Variants in TMEM178B observed in about 807,000 individuals in gnomAD.
TMEM178B encodes the protein transmembrane protein 178B.
In TMEM178B, 5 loss-of-function variants were observed where a neutral mutation model predicts 31.0. That is an observed-to-expected ratio of 0.16 (90% CI 0.08 to 0.34). The LOEUF (loss-of-function observed/expected upper bound fraction) is 0.34, where lower values mean the gene tolerates loss of function less well. TMEM178B is among the 10% of genes least tolerant of loss of function. The probability of loss-of-function intolerance (pLI) is 1.00; values close to 1 mark genes in which losing one functional copy is unlikely to be tolerated. For missense variants in TMEM178B, 275 were observed against 400.3 expected (o/e 0.69, Z 2.67); for synonymous variants, 164 against 164.0 (o/e 1.00, Z 0.00).
At chr7:141,189,720 G>A (rs946362075) in intron 1 of TMEM178B, among the ~76,000 whole-genome samples, 1 of 152,218 alleles carries the variant, frequency 6.6e-6, no homozygotes, top group Non-Finnish European at 1.5e-5. Context: ...CATCCTGACT[G>A]TGTCGGCCAT....
At chr7:141,157,435 A>ACACACACG (rs1380390798) in intron 1 of TMEM178B, among the ~76,000 whole-genome samples, 2 of 151,900 alleles carry the variant, frequency 1.3e-5, no homozygotes, top group African/African-American at 4.8e-5. Context: ...GTGCACACAC[A>ACACACACG]CACACACGCA....
intron 3 of TMEM178B, among the ~76,000 whole-genome samples, chr7:141,469,552 C>G (rs1802201836): frequency 6.6e-6 from 1 of 152,070 alleles, no homozygotes; most frequent in East Asian, 1.9e-4. Context: ...AGTGCTTTTC[C>G]TTTTTCTTCC....
intron 1 of TMEM178B, among the ~76,000 whole-genome samples, chr7:141,157,640 A>T (rs930749594): frequency 5.3e-5 from 8 of 152,170 alleles, no homozygotes; most frequent in African/African-American, 1.9e-4. Context: ...ACTCAAAAAA[A>T]CTTTTAGTTG....
chr7:141,257,788 G>A lies in TMEM178B; in HGVS notation c.496+45084G>A, dbSNP rs149387642. The stretch of plus-strand genomic sequence containing the variant: ...ATTTTCTTTTAAATCTAGATGGACA[G>A]TCTCTGCCTTTTGATTGGAATGTTT... On this transcript the variant is annotated intron_variant, in intron 2 of 3. Transcript: ENST00000565468. Among the ~76,000 whole-genome samples, 10 of 151,962 alleles carry A rather than the reference G, an allele frequency of 6.6e-5. No individual in the cohort carries two copies. In the East Asian group the frequency reaches 1.9e-3, roughly 29 times the overall value.
At chr7:141,137,998 A>G (rs1315358596) in intron 1 of TMEM178B, among the ~76,000 whole-genome samples, 3 of 152,068 alleles carry the variant, frequency 2.0e-5, no homozygotes, top group Admixed American at 2.0e-4. Flanking sequence ...TAAAATGCAT[A>G]TTAGTAAAGA....
chr7:141,497,126 G>C, the TMEM178B span, among the ~76,000 whole-genome samples: 1 of 152,110 alleles, frequency 6.6e-6, no homozygotes, highest in Admixed American at 6.6e-5. Context: ...GACAGTAAGA[G>C]CCCTGCACAC....
At chr7:141,386,230 C>T (rs1800428866) in intron 2 of TMEM178B, among the ~76,000 whole-genome samples, 1 of 152,192 alleles carries the variant, frequency 6.6e-6, no homozygotes, top group Non-Finnish European at 1.5e-5. Context: ...TCCTTTCTCT[C>T]CTGGGTGATG....
chr7:141,133,061 T>C (rs546124557), intron 1 of TMEM178B, among the ~76,000 whole-genome samples: 16 of 152,034 alleles, frequency 1.1e-4, no homozygotes, highest in African/African-American at 3.9e-4. Flanking sequence ...CCAAATAACA[T>C]TATAGATATA....
At chr7:141,445,287 C>A (rs533677974) in intron 3 of TMEM178B, among the ~76,000 whole-genome samples, 1 of 152,330 alleles carries the variant, frequency 6.6e-6, no homozygotes, top group Non-Finnish European at 1.5e-5. Context: ...AGACAAAGAC[C>A]TTCATGGAGG....
the TMEM178B span, among the ~76,000 whole-genome samples, chr7:141,488,244 C>T: frequency 6.6e-6 from 1 of 152,108 alleles, no homozygotes; most frequent in African/African-American, 2.4e-5. Context: ...CTCTAGCTCT[C>T]CAAGCTTGAG....
At chr7:141,364,008 G>A (rs1431254715) in intron 2 of TMEM178B, among the ~76,000 whole-genome samples, 1 of 151,502 alleles carries the variant, frequency 6.6e-6, no homozygotes, top group African/African-American at 2.4e-5. Context: ...AGGTTAAGAA[G>A]GCTTCATACA....
downstream of TMEM178B, among the ~76,000 whole-genome samples, chr7:141,483,193 TG>T (rs1295546248): frequency 3.9e-5 from 6 of 152,216 alleles, no homozygotes; most frequent in Admixed American, 3.9e-4. Flanking sequence ...TCCCTTGGGA[TG>T]GGCAGAGTTG....
At chr7:141,089,285 T>G (rs1468519408) in intron 1 of TMEM178B, among the ~76,000 whole-genome samples, 1 of 152,148 alleles carries the variant, frequency 6.6e-6, no homozygotes, top group Non-Finnish European at 1.5e-5. Flanking sequence ...TCCTAAGGGA[T>G]TAGCAGGCAC....
intron 2 of TMEM178B, among the ~76,000 whole-genome samples, chr7:141,316,392 A>G (rs1799005628): frequency 6.6e-6 from 1 of 152,230 alleles, no homozygotes; most frequent in Non-Finnish European, 1.5e-5. Context: ...GTATGTTTAT[A>G]TCCATTTCCT....
intron 1 of TMEM178B, among the ~76,000 whole-genome samples, chr7:141,145,221 G>A (rs1161367858): frequency 1.3e-5 from 2 of 152,186 alleles, no homozygotes; most frequent in Admixed American, 1.3e-4. Flanking sequence ...TGCTGCCCTC[G>A]GTCAGTCCCT....
intron 2 of TMEM178B, among the ~76,000 whole-genome samples, chr7:141,346,205 A>G (rs984980854): frequency 6.6e-6 from 1 of 152,112 alleles, no homozygotes; most frequent in African/African-American, 2.4e-5. Flanking sequence ...TGGGCAACAG[A>G]GCGACTCCAT....
At chr7:141,075,735 T>G (rs1794590819) in intron 1 of TMEM178B, among the ~76,000 whole-genome samples, 1 of 152,222 alleles carries the variant, frequency 6.6e-6, no homozygotes, top group African/African-American at 2.4e-5. Context: ...AACTATTAAA[T>G]GGTGATGTCA....
At position 141,290,968 on chromosome 7, in the gene TMEM178B, G is replaced by A. The variant is rs548566981; in HGVS notation, c.496+78264G>A. On this transcript the variant is annotated intron_variant, in intron 2 of 3. Transcript: ENST00000565468. ...GATTCCTGCCACCTACCCATCGCTGGCTGGCTCTTCCTTGATGTCAGAATT... is the reference window on the plus strand; with the variant it reads ...GATTCCTGCCACCTACCCATCGCTGACTGGCTCTTCCTTGATGTCAGAATT... Among the ~76,000 whole-genome samples the A allele has an allele frequency of 2.9e-4, 44 of 152,268 alleles. No homozygotes were observed. The South Asian group carries it at 8.7e-3, about 30-fold the overall frequency.
intron 1 of TMEM178B, among the ~76,000 whole-genome samples, chr7:141,197,513 C>T (rs184862445): frequency 1.3e-5 from 2 of 152,276 alleles, no homozygotes; most frequent in Admixed American, 6.5e-5. Context: ...TCTAGCCAAG[C>T]CATTTAACTT....
Sources: gnomAD v4.1 joint callset for allele counts (sites outside exome capture counted in the v4.1 genomes callset) on GRCh38, gnomAD v4.1.1 for gene constraint, MANE v1.5 for transcripts, NCBI Gene and HGNC (gene_info 2026-07-23, HGNC 2026-07-21) for gene names.